The following LHFPL3 variants were observed in gnomAD, a reference collection of about 807,000 sequenced individuals.
LHFPL3 encodes the protein LHFPL tetraspan subfamily member 3, also known as LHFPL tetraspan subfamily member 3 protein.
A neutral mutation model predicts 19.3 loss-of-function variants in LHFPL3; 5 were observed. That is an observed-to-expected ratio of 0.26 (90% CI 0.14 to 0.54). The LOEUF (loss-of-function observed/expected upper bound fraction) is 0.54. Among genes scored for constraint, LHFPL3 ranks in the 20% least tolerant of loss-of-function variants. The pLI is 0.94. For missense variants in LHFPL3, 249 were observed against 307.4 expected (o/e 0.81, Z 1.42); for synonymous variants, 133 against 126.2 (o/e 1.05, Z -0.36).
Position 104,444,980 on chromosome 7 carries a change from C to T in LHFPL3, c.445+115756C>T, listed in dbSNP as rs150945470. Among the ~76,000 whole-genome samples, 395 of 149,278 alleles carry T rather than the reference C, an allele frequency of 2.6e-3. 1 individual carries two copies. Among genetic ancestry groups the T allele is most frequent in the African/African-American group, 9.2e-3 (374 of 40,554 alleles). On this transcript the variant is annotated intron_variant, in intron 1 of 2. Coordinates refer to ENST00000424859, the MANE Select transcript of LHFPL3 (RefSeq NM_199000.3). Reference sequence around the variant, plus strand: ...TCCAGCCTGGGCAACAAGAGTGAAACTCCGTCTCCAAAAAAAAAAAAGAAT... The same window carrying T: ...TCCAGCCTGGGCAACAAGAGTGAAATTCCGTCTCCAAAAAAAAAAAAGAAT...
chr7:104,395,445 T>C (rs1000123435), intron 1 of LHFPL3, among the ~76,000 whole-genome samples: 1 of 152,226 alleles, frequency 6.6e-6, no homozygotes, highest in Non-Finnish European at 1.5e-5. Context: ...ACTTGTATCA[T>C]TACAGGCAAT....
intron 1 of LHFPL3, among the ~76,000 whole-genome samples, chr7:104,662,794 T>G (rs899107179): frequency 6.6e-6 from 1 of 152,228 alleles, no homozygotes; most frequent in Non-Finnish European, 1.5e-5. Context: ...AAATGTTGAC[T>G]CAAAATAATT....
chr7:104,368,859 A>G (rs536522309), intron 1 of LHFPL3, among the ~76,000 whole-genome samples: 1 of 152,230 alleles, frequency 6.6e-6, no homozygotes, highest in Non-Finnish European at 1.5e-5. Flanking sequence ...TGCTGCATAC[A>G]TATAATATTT....
chr7:104,725,165 G>A (rs1347602428), intron 1 of LHFPL3, among the ~76,000 whole-genome samples: 1 of 152,112 alleles, frequency 6.6e-6, no homozygotes, highest in East Asian at 1.9e-4. Flanking sequence ...TTAATTCAGA[G>A]TTAATTCTAC....
intron 1 of LHFPL3, among the ~76,000 whole-genome samples, chr7:104,577,650 T>C (rs1159432858): frequency 6.6e-6 from 1 of 152,218 alleles, no homozygotes; most frequent in African/African-American, 2.4e-5. Context: ...CACTCTGATA[T>C]TGACTGTTTT....
At chr7:104,772,129 T>C (rs1794564178) in intron 2 of LHFPL3, among the ~76,000 whole-genome samples, 1 of 152,150 alleles carries the variant, frequency 6.6e-6, no homozygotes, top group African/African-American at 2.4e-5. Context: ...TTTTGCCTCA[T>C]TTTTAATATC....
intron 1 of LHFPL3, among the ~76,000 whole-genome samples, chr7:104,528,320 G>C (rs2115835368): frequency 6.6e-6 from 1 of 152,304 alleles, no homozygotes; most frequent in Non-Finnish European, 1.5e-5. Context: ...TATGTAAATA[G>C]AATCAGTTAA....
chr7:104,523,665 T>A (rs1794125718), intron 1 of LHFPL3, among the ~76,000 whole-genome samples: 1 of 152,198 alleles, frequency 6.6e-6, no homozygotes, highest in Non-Finnish European at 1.5e-5. Flanking sequence ...TGCATGCACA[T>A]GCCTCACTAG....
intron 1 of LHFPL3, among the ~76,000 whole-genome samples, chr7:104,497,226 T>C (rs899699065): frequency 2.6e-5 from 4 of 151,240 alleles, no homozygotes; most frequent in African/African-American, 9.7e-5. Flanking sequence ...GTTTCACTTA[T>C]GTGTCAGAAC....
intron 2 of LHFPL3, among the ~76,000 whole-genome samples, chr7:104,762,218 T>C (rs1261121819): frequency 1.3e-5 from 2 of 151,846 alleles, no homozygotes; most frequent in African/African-American, 4.8e-5. Flanking sequence ...AGATGGCAGA[T>C]GTAGGTAGGA....
chr7:104,635,725 A>G (rs1295104645), intron 1 of LHFPL3, among the ~76,000 whole-genome samples: 2 of 152,238 alleles, frequency 1.3e-5, no homozygotes, highest in Non-Finnish European at 2.9e-5. Context: ...AAAGGAAGGC[A>G]AGTGAGGACC....
chr7:104,468,627 A>G (rs1387296080), intron 1 of LHFPL3, among the ~76,000 whole-genome samples: 2 of 150,532 alleles, frequency 1.3e-5, no homozygotes, highest in Non-Finnish European at 3.0e-5. Context: ...AGAATGACAA[A>G]TTTCCCAAAG....
At chr7:104,874,639 C>A (rs1791902997) in intron 2 of LHFPL3, among the ~76,000 whole-genome samples, 1 of 151,320 alleles carries the variant, frequency 6.6e-6, no homozygotes. Context: ...GAACTCCTGA[C>A]CTCAGGTGAT....
At chr7:104,896,862 G>A (rs1584604336) in intron 2 of LHFPL3, among the ~76,000 whole-genome samples, 1 of 152,168 alleles carries the variant, frequency 6.6e-6, no homozygotes, top group East Asian at 1.9e-4. Context: ...AAGGCGGGTG[G>A]ATCACTTGAG....
At chr7:104,432,086 C>T (rs528325883) in intron 1 of LHFPL3, among the ~76,000 whole-genome samples, 5 of 152,190 alleles carry the variant, frequency 3.3e-5, no homozygotes, top group African/African-American at 1.2e-4. Flanking sequence ...TGGAGACTAG[C>T]GTGAAGTTTA....
intron 1 of LHFPL3, among the ~76,000 whole-genome samples, chr7:104,511,712 T>A (rs2115771526): frequency 6.6e-6 from 1 of 152,238 alleles, no homozygotes; most frequent in Non-Finnish European, 1.5e-5. Flanking sequence ...TTGGTTACAG[T>A]GTACATTGCT....
At chr7:104,876,752 T>C (rs1423260989) in intron 2 of LHFPL3, among the ~76,000 whole-genome samples, 4 of 151,964 alleles carry the variant, frequency 2.6e-5, no homozygotes, top group African/African-American at 9.7e-5. Flanking sequence ...GAAATACCAT[T>C]TGACCCAACC....
chr7:104,645,876 G>T (rs1424731410), intron 1 of LHFPL3, among the ~76,000 whole-genome samples: 1 of 151,856 alleles, frequency 6.6e-6, no homozygotes, highest in African/African-American at 2.4e-5. Context: ...TAGCCAGGAT[G>T]GTCTCGATCT....
intron 1 of LHFPL3, among the ~76,000 whole-genome samples, chr7:104,617,878 G>A (rs1008405913): frequency 1.3e-5 from 2 of 152,170 alleles, no homozygotes; most frequent in Non-Finnish European, 2.9e-5. Context: ...TATAATGCTT[G>A]TGGCTACCAA....
Sources: allele counts gnomAD v4.1 joint callset (sites outside exome capture counted in the v4.1 genomes callset), GRCh38; gene constraint gnomAD v4.1.1; transcripts MANE v1.5; gene names NCBI Gene and HGNC (gene_info 2026-07-23, HGNC 2026-07-21).